The following KLHL14 variants were observed in gnomAD, a reference collection of about 807,000 sequenced individuals.
KLHL14 encodes kelch like family member 14, also known as kelch-like protein 14.
KLHL14 carries 22 observed loss-of-function variants against 64.3 expected under a neutral mutation model. The ratio of observed to expected loss-of-function variants is 0.34; its 90% CI spans 0.24 to 0.49. KLHL14 has a LOEUF of 0.49. Among genes scored for constraint, KLHL14 ranks in the 20% least tolerant of loss-of-function variants. KLHL14 has a pLI of 0.99. For missense variants in KLHL14, 661 were observed against 789.0 expected (o/e 0.84, Z 1.94); for synonymous variants, 322 against 333.4 (o/e 0.97, Z 0.37).
Position 32,770,776 on chromosome 18 carries a change from G to T in KLHL14, c.-43-142C>A. 1.8e-6 allele frequency: 1 copy of T among 566,646 alleles called. No individual in the cohort carries two copies. Among genetic ancestry groups the T allele is most frequent in the Non-Finnish European group, 2.9e-6 (1 of 343,122 alleles). 35.1% of individuals were successfully genotyped at this position (566,646 alleles called of 1,614,324 possible). On this transcript the variant is annotated intron_variant, in intron 1 of 8. Coordinates refer to ENST00000359358, the MANE Select transcript of KLHL14 (RefSeq NM_020805.3). This position sits in a 1 kb window ranked among gnomAD's most constrained non-coding sequence, Gnocchi z 6.7. ...GCTCAGCTTGACTCCCTCCTGGCGC[G>T]CTCCGGACCCCGACCCTAGGAGGAA...
In KLHL14 at chr18:32,704,897, A is replaced by G. The variant is rs566003140; in HGVS notation, c.1070-9345T>C. Among the ~76,000 whole-genome samples the G allele has an allele frequency of 5.3e-5, 8 of 152,316 alleles. No individual in the cohort carries two copies. The South Asian group carries it at 1.7e-3, about 32-fold the overall frequency. On this transcript the variant is annotated intron_variant, in intron 3 of 8. Coordinates refer to ENST00000359358, the MANE Select transcript of KLHL14 (RefSeq NM_020805.3). The stretch of plus-strand genomic sequence containing the variant: ...AGAGAGAGAGAGAACATGAGAACAG[A>G]TAAATAGGATACAGAGTACTCCAGG...
At chr18:32,723,271 T>C (rs1480758106) in intron 3 of KLHL14, among the ~76,000 whole-genome samples, 1 of 152,184 alleles carries the variant, frequency 6.6e-6, no homozygotes, top group Non-Finnish European at 1.5e-5. Flanking sequence ...TAATAAAAGG[T>C]AGTATTCATA....
At position 32,723,424 on chromosome 18, in the gene KLHL14, G is replaced by A. The variant is rs80252769; in HGVS notation, c.1069+18504C>T. ...TTGCCTCTGGCTTCTGGATGGATTTGCTTTCAGAAGACTGAGGGAGGTAGG... is the reference window on the plus strand; with the variant it reads ...TTGCCTCTGGCTTCTGGATGGATTTACTTTCAGAAGACTGAGGGAGGTAGG... On this transcript the variant is annotated intron_variant, in intron 3 of 8. Coordinates refer to ENST00000359358, the MANE Select transcript of KLHL14 (RefSeq NM_020805.3). Among the ~76,000 whole-genome samples the A allele has an allele frequency of 4.4e-3, 666 of 152,248 alleles. 10 individuals are homozygous for A. The highest frequency in any genetic ancestry group is 0.028 in the South Asian group (136 of 4,820).
In KLHL14 at chr18:32,674,619, C is replaced by A; in HGVS notation, c.*38G>T. ...TAGTGATGTCACCTGCCATTGCTTC[C>A]TAGAATGTGATACTGTTCATTCCAG... is the stretch of plus-strand genomic sequence containing the variant. On this transcript the variant is annotated 3_prime_UTR_variant, in exon 9 of 9. Transcript: ENST00000359358. The A allele has an allele frequency of 1.3e-6, 1 of 771,332 alleles. No individual in the cohort carries two copies. Among genetic ancestry groups the A allele is most frequent in the Non-Finnish European group, 2.4e-6 (1 of 411,628 alleles). The allele number at this position is 771,332 out of a possible 1,614,324, so 47.8% of individuals were successfully genotyped here. A position where few individuals can be genotyped will look rare whatever the true frequency, so the allele number is the denominator to read the frequency against.
intron 8 of KLHL14, among the ~76,000 whole-genome samples, chr18:32,676,665 T>C (rs7241043): frequency 0.27 from 40,437 of 151,992 alleles, 5,463 homozygotes; most frequent in African/African-American, 0.3. Flanking sequence ...AAAATGTTGA[T>C]GGATGTTGAA....
At chr18:32,699,020 G>A (rs547273125) in intron 3 of KLHL14, among the ~76,000 whole-genome samples, 1 of 152,218 alleles carries the variant, frequency 6.6e-6, no homozygotes, top group Non-Finnish European at 1.5e-5. Context: ...GTTAGCAATC[G>A]TAACAAGCTG....
intron 3 of KLHL14, among the ~76,000 whole-genome samples, chr18:32,724,060 A>T (rs1344395984): frequency 6.6e-6 from 1 of 152,192 alleles, no homozygotes; most frequent in Non-Finnish European, 1.5e-5. Flanking sequence ...TTAGAAAGAG[A>T]TCAAATAATG....
intron 3 of KLHL14, among the ~76,000 whole-genome samples, chr18:32,736,294 A>G (rs1245083029): frequency 6.6e-6 from 1 of 152,166 alleles, no homozygotes; most frequent in Non-Finnish European, 1.5e-5. Context: ...ACAGTAGCAA[A>G]TAATTCAAGA....
At chr18:32,684,011 C>T (rs2049857505) in intron 5 of KLHL14, among the ~76,000 whole-genome samples, 1 of 152,104 alleles carries the variant, frequency 6.6e-6, no homozygotes, top group Non-Finnish European at 1.5e-5. Context: ...GTTCTTAACG[C>T]TTCCCAAACT....
intron 2 of KLHL14, among the ~76,000 whole-genome samples, chr18:32,751,170 C>G (rs1418511299): frequency 6.6e-6 from 1 of 152,182 alleles, no homozygotes; most frequent in Admixed American, 6.5e-5. Flanking sequence ...TGAAAGGCAG[C>G]TAGCCTTCCC....
intron 3 of KLHL14, chr18:32,734,314 C>A: frequency 1.4e-6 from 1 of 692,932 alleles, no homozygotes; most frequent in Non-Finnish European, 2.6e-6. Context: ...CTTCTCCCTG[C>A]TGCATCCATG....
chr18:32,678,032 G>A (rs113833837), intron 7 of KLHL14, among the ~76,000 whole-genome samples: 3 of 152,102 alleles, frequency 2.0e-5, no homozygotes, highest in African/African-American at 4.8e-5. Flanking sequence ...ATCGTTTCTA[G>A]TATTTACCAA....
chr18:32,742,303 G>A (rs1450624644), intron 2 of KLHL14, among the ~76,000 whole-genome samples: 1 of 104,394 alleles, frequency 9.6e-6, no homozygotes, highest in East Asian at 1.4e-3. Flanking sequence ...ATTCTAGAAC[G>A]ACCTTTTTCT....
chr18:32,719,478 A>G (rs529099600), intron 3 of KLHL14, among the ~76,000 whole-genome samples: 23 of 152,238 alleles, frequency 1.5e-4, no homozygotes, highest in Non-Finnish European at 2.9e-4. Flanking sequence ...TTGAGACCTC[A>G]CTATATAACA....
intron 2 of KLHL14, among the ~76,000 whole-genome samples, chr18:32,756,734 C>G (rs899912477): frequency 7.2e-5 from 11 of 152,150 alleles, no homozygotes; most frequent in African/African-American, 2.7e-4. Context: ...TCTATTTTCT[C>G]TTTTCAATTT....
At chr18:32,760,355 C>CACATAT (rs1555666674) in intron 2 of KLHL14, among the ~76,000 whole-genome samples, 8 of 151,666 alleles carry the variant, frequency 5.3e-5, no homozygotes, top group Admixed American at 3.3e-4. Flanking sequence ...CACACACACA[C>CACATAT]ACACACATAT....
At chr18:32,734,291 A>G in intron 3 of KLHL14, 1 of 699,570 alleles carries the variant, frequency 1.4e-6, no homozygotes, top group Non-Finnish European at 2.6e-6. Flanking sequence ...AGTGCAAGAC[A>G]CTGCAGCTCT....
chr18:32,772,293 C>T (rs1362224966), intron 1 of KLHL14: 2 of 357,478 alleles, frequency 5.6e-6, no homozygotes, highest in South Asian at 2.0e-5. Context: ...TCCAGGTGGA[C>T]CCTACCCTCC....
At chr18:32,752,958 TGTGTGTG>T (rs1352699974) in intron 2 of KLHL14, among the ~76,000 whole-genome samples, 1 of 44,174 alleles carries the variant, frequency 2.3e-5, no homozygotes, top group Non-Finnish European at 4.3e-5. Context: ...ATCATATTTG[TGTGTGTG>T]TGTGTGTGTG....
Sources: allele counts gnomAD v4.1 joint callset (sites outside exome capture counted in the v4.1 genomes callset), GRCh38; gene constraint gnomAD v4.1.1; non-coding constraint Gnocchi (gnomAD v3.1); transcripts MANE v1.5; gene names NCBI Gene and HGNC (gene_info 2026-07-23, HGNC 2026-07-21).